The following FNIP2 variants were observed in gnomAD, a reference collection of about 807,000 sequenced individuals.
The protein encoded by FNIP2 is folliculin-interacting protein 2.
FNIP2 carries 32 observed loss-of-function variants against 108.7 expected under a neutral mutation model. The ratio of observed to expected loss-of-function variants is 0.29; its 90% CI spans 0.22 to 0.40. The LOEUF (loss-of-function observed/expected upper bound fraction) is 0.40, where lower values mean the gene tolerates loss of function less well. Among genes scored for constraint, FNIP2 ranks in the 10% least tolerant of loss-of-function variants. FNIP2 has a pLI of 1.00. For synonymous variants in FNIP2, 480 were observed against 496.7 expected (o/e 0.97, Z 0.45); for missense variants, 1,202 against 1,381.6 (o/e 0.87, Z 2.06).
chr4:158,829,340 A>AC, intron 3 of FNIP2, 115 bp downstream of exon 3: 1 of 900,592 alleles, frequency 1.1e-6, no homozygotes, highest in Non-Finnish European at 1.6e-6. Context: ...GAGGACAAGT[A>AC]TTCAACAGAG....
intron 1 of FNIP2, among the ~76,000 whole-genome samples, chr4:158,821,171 T>C (rs1346613714): frequency 6.6e-6 from 1 of 151,966 alleles, no homozygotes; most frequent in Non-Finnish European, 1.5e-5. Context: ...CCAAAAAGAG[T>C]CTGTATAAGT....
At chr4:158,879,874 A>G (rs1162891479) in intron 14 of FNIP2, among the ~76,000 whole-genome samples, 1 of 150,468 alleles carries the variant, frequency 6.6e-6, no homozygotes, top group Non-Finnish European at 1.5e-5. Flanking sequence ...AGAGAAATGC[A>G]AATCAAAACT....
chr4:158,835,363 T>C (rs767852977), intron 6 of FNIP2, 42 bp from the exon 7 acceptor site: 6 of 1,579,438 alleles, frequency 3.8e-6, no homozygotes, highest in Non-Finnish European at 1.7e-6. Flanking sequence ...ACTTTATCTC[T>C]GAAGAGCCCA....
At chr4:158,775,456 T>C (rs1228161451) in intron 1 of FNIP2, among the ~76,000 whole-genome samples, 1 of 152,134 alleles carries the variant, frequency 6.6e-6, no homozygotes, top group Non-Finnish European at 1.5e-5. Flanking sequence ...CTTTTCCAGC[T>C]AACTGGGCAT....
At chr4:158,855,401 C>T (rs922472944) in intron 8 of FNIP2, among the ~76,000 whole-genome samples, 3 of 152,112 alleles carry the variant, frequency 2.0e-5, no homozygotes, top group Non-Finnish European at 2.9e-5. Flanking sequence ...TGCTGAACAC[C>T]GAGAACATGA....
chr4:158,859,471 C>T, intron 9 of FNIP2, 107 bp from the exon 10 acceptor site: 2 of 1,090,542 alleles, frequency 1.8e-6, no homozygotes, highest in Non-Finnish European at 2.7e-6. Flanking sequence ...GGCATTATTA[C>T]CTTGAGTGTT....
chr4:158,783,812 C>G (rs769192805), intron 1 of FNIP2, among the ~76,000 whole-genome samples: 1 of 152,160 alleles, frequency 6.6e-6, no homozygotes, highest in Non-Finnish European at 1.5e-5. Flanking sequence ...TGGACCAGTT[C>G]AGCTTCCTAG....
At chr4:158,799,517 C>G (rs1206056313) in intron 1 of FNIP2, among the ~76,000 whole-genome samples, 2 of 152,116 alleles carry the variant, frequency 1.3e-5, no homozygotes, top group African/African-American at 4.8e-5. Context: ...TACTTGATAA[C>G]AGAGTGTCCT....
At chr4:158,834,615 A>G (rs948943318) in intron 6 of FNIP2, 10 of 152,202 alleles carry the variant, frequency 6.6e-5, no homozygotes, top group African/African-American at 2.4e-4. Context: ...GTGAAAATAA[A>G]CATGCTTCAA....
rs770519688 is a variant in FNIP2, at chr4:158,904,525, T to G, written c.3326T>G (p.Val1109Gly). 1 of 1,613,088 alleles carries G rather than the reference T, an allele frequency of 6.2e-7. No homozygotes were observed. The highest frequency in any genetic ancestry group is 8.5e-7 in the Non-Finnish European group (1 of 1,179,808). Reference sequence around the variant, plus strand: ...ATTGCCAGTACTCATTCTCCTTATGTGGCTCAAATACTCTTATAAGCTAAA... The same window carrying G: ...ATTGCCAGTACTCATTCTCCTTATGGGGCTCAAATACTCTTATAAGCTAAA... ...TAIASTHSPY[V>G]AQILL The change falls in exon 17 of 17, where the codon GTG becomes GGG. Residue 1109 changes from valine to glycine, a missense_variant. By Grantham distance (109) the Val-to-Gly change is moderately radical. Transcript: ENST00000264433.
chr4:158,881,455 ACGGTCTCCCTCTCCCTCTCTTTC>A (rs1781620633), intron 14 of FNIP2, among the ~76,000 whole-genome samples: 1 of 134,666 alleles, frequency 7.4e-6, no homozygotes, highest in Admixed American at 7.6e-5. Flanking sequence ...CTCTCTTTCC[ACGGTCTCCCTCTCCCTCTCTTTC>A]CACGGTCTCC....
intron 7 of FNIP2, among the ~76,000 whole-genome samples, chr4:158,839,176 C>G (rs1778977911): frequency 6.6e-6 from 1 of 152,124 alleles, no homozygotes; most frequent in Non-Finnish European, 1.5e-5. Context: ...TACCCCATAC[C>G]TAAGGGGTGG....
intron 14 of FNIP2, among the ~76,000 whole-genome samples, chr4:158,885,568 G>C (rs898428871): frequency 6.6e-6 from 1 of 152,186 alleles, no homozygotes; most frequent in Non-Finnish European, 1.5e-5. Context: ...GGTTTCAGGG[G>C]ACATGGTCAA....
At chr4:158,795,819 AGT>A (rs986586510) in intron 1 of FNIP2, 3 of 152,242 alleles carry the variant, frequency 2.0e-5, no homozygotes, top group Non-Finnish European at 4.4e-5. Flanking sequence ...TGCGCATGCG[AGT>A]GATCTAGGTT....
chr4:158,829,904 T>C (rs1778372534), intron 3 of FNIP2, among the ~76,000 whole-genome samples: 1 of 152,186 alleles, frequency 6.6e-6, no homozygotes, highest in African/African-American at 2.4e-5. Flanking sequence ...GGAAAAACAA[T>C]ACTAGGGAAG....
chr4:158,773,343 T>G (rs1775758372), intron 1 of FNIP2, among the ~76,000 whole-genome samples: 1 of 152,158 alleles, frequency 6.6e-6, no homozygotes, highest in Non-Finnish European at 1.5e-5. Flanking sequence ...GAACCCTTCC[T>G]TTGAATGCAG....
chr4:158,879,408 C>T (rs1297410330), intron 14 of FNIP2, among the ~76,000 whole-genome samples: 3 of 150,428 alleles, frequency 2.0e-5, no homozygotes, highest in Non-Finnish European at 3.0e-5. Flanking sequence ...GAGGACTCAG[C>T]TAGGGTCAGT....
chr4:158,826,522 G>A (rs1778165145), intron 2 of FNIP2, among the ~76,000 whole-genome samples: 1 of 152,232 alleles, frequency 6.6e-6, no homozygotes, highest in South Asian at 2.1e-4. Flanking sequence ...ATGCAAACCT[G>A]CATTGTTATC....
intron 7 of FNIP2, among the ~76,000 whole-genome samples, chr4:158,845,117 A>G (rs1779329076): frequency 6.6e-6 from 1 of 152,240 alleles, no homozygotes; most frequent in African/African-American, 2.4e-5. Context: ...ACCTATATGC[A>G]TTAACTTTTT....
Sources: gnomAD v4.1 joint callset for allele counts (sites outside exome capture counted in the v4.1 genomes callset) on GRCh38, gnomAD v4.1.1 for gene constraint, MANE v1.5 for transcripts, NCBI Gene and HGNC (gene_info 2026-07-23, HGNC 2026-07-21) for gene names.